Variants in PTPRD observed in about 807,000 individuals in gnomAD.
PTPRD encodes the protein receptor-type tyrosine-protein phosphatase delta.
A neutral mutation model predicts 214.5 loss-of-function variants in PTPRD; 34 were observed. The observed-to-expected ratio is 0.16, with a 90% CI of 0.12 to 0.21. The LOEUF is 0.21. Among genes scored for constraint, PTPRD ranks in the 10% least tolerant of loss-of-function variants. The pLI, the probability that PTPRD is intolerant of heterozygous loss-of-function variation, is 1.00. For synonymous variants in PTPRD, 1,128 were observed against 845.7 expected (o/e 1.33, Z -5.79); for missense variants, 2,545 against 2,398.7 (o/e 1.06, Z -1.27).
chr9:8,596,373 C>T (rs2094476925), intron 14 of PTPRD, among the ~76,000 whole-genome samples: 2 of 151,650 alleles, frequency 1.3e-5, no homozygotes, highest in South Asian at 2.1e-4. Flanking sequence ...TTAAAGCACT[C>T]TGGGGAAGAT....
intron 8 of PTPRD, among the ~76,000 whole-genome samples, chr9:9,399,055 T>A (rs561488878): frequency 1.7e-4 from 25 of 145,548 alleles, no homozygotes; most frequent in Middle Eastern, 3.5e-3. Flanking sequence ...TGGCAAACAA[T>A]TTTGTGTAGT....
chr9:8,958,500 G>C (rs2099143155), intron 11 of PTPRD, among the ~76,000 whole-genome samples: 1 of 151,900 alleles, frequency 6.6e-6, no homozygotes. Flanking sequence ...ATTCAGCAAT[G>C]TGATGGCCCA....
At chr9:9,787,052 G>C (rs2098929780) in intron 5 of PTPRD, among the ~76,000 whole-genome samples, 1 of 151,878 alleles carries the variant, frequency 6.6e-6, no homozygotes, top group East Asian at 1.9e-4. Flanking sequence ...CATGATAATT[G>C]CTTGAACCCG....
intron 5 of PTPRD, among the ~76,000 whole-genome samples, chr9:9,813,466 C>G (rs1444308351): frequency 6.6e-6 from 1 of 151,744 alleles, no homozygotes; most frequent in Non-Finnish European, 1.5e-5. Context: ...CATAGTAATA[C>G]AAAAGATTAT....
chr9:8,790,638 C>T (rs916449834), intron 11 of PTPRD, among the ~76,000 whole-genome samples: 2 of 151,966 alleles, frequency 1.3e-5, no homozygotes, highest in African/African-American at 4.8e-5. Context: ...ACTTGTTAAG[C>T]ATGTATGAAT....
At chr9:10,140,696 T>C (rs2098978278) in intron 3 of PTPRD, among the ~76,000 whole-genome samples, 2 of 152,108 alleles carry the variant, frequency 1.3e-5, no homozygotes, top group Admixed American at 1.3e-4. Flanking sequence ...CCATTCCTTC[T>C]GAAACTATTC....
At chr9:9,994,218 T>G (rs947392307) in intron 4 of PTPRD, among the ~76,000 whole-genome samples, 2 of 152,188 alleles carry the variant, frequency 1.3e-5, no homozygotes, top group Non-Finnish European at 2.9e-5. Flanking sequence ...TTACACACAT[T>G]TTGAGAGCTC....
chr9:8,346,536 C>A (rs991375857), intron 39 of PTPRD, among the ~76,000 whole-genome samples: 3 of 152,130 alleles, frequency 2.0e-5, no homozygotes, highest in Non-Finnish European at 2.9e-5. Flanking sequence ...CTCAAGCCCT[C>A]CCTTTCCATC....
In PTPRD at chr9:8,521,634, A is replaced by C. The variant is rs563608473; in HGVS notation, c.692-88T>G. ...ACATGACATGCACCGTACAGACACG[A>C]TTCAACAATTGAAACATTGTGGATT... On this transcript the variant is annotated intron_variant, in intron 19 of 45. Transcript: ENST00000381196. The C allele has an allele frequency of 9.2e-6, 13 of 1,417,504 alleles. No individual in the cohort carries two copies. In the East Asian group the frequency reaches 3.0e-4, roughly 33 times the overall value. 87.8% of individuals were successfully genotyped at this position (1,417,504 alleles called of 1,614,324 possible). A position where few individuals can be genotyped will look rare whatever the true frequency, so the allele number is the denominator to read the frequency against.
intron 5 of PTPRD, among the ~76,000 whole-genome samples, chr9:9,838,803 G>A (rs1296203679): frequency 1.3e-5 from 2 of 152,052 alleles, no homozygotes; most frequent in African/African-American, 2.4e-5. Context: ...GGCTTTTGTT[G>A]CCATTGCTTT....
chr9:10,043,094 G>A, intron 3 of PTPRD, among the ~76,000 whole-genome samples: 1 of 151,890 alleles, frequency 6.6e-6, no homozygotes, highest in Non-Finnish European at 1.5e-5. Context: ...GGCAGTAAGA[G>A]CAGGTAATCT....
chr9:10,472,640 T>C (rs943801706), intron 2 of PTPRD, among the ~76,000 whole-genome samples: 1 of 152,150 alleles, frequency 6.6e-6, no homozygotes, highest in Admixed American at 6.6e-5. Context: ...CAACCTTCTT[T>C]TGAATAGTAT....
chr9:9,253,361 G>A (rs930125624), intron 9 of PTPRD, among the ~76,000 whole-genome samples: 3 of 151,804 alleles, frequency 2.0e-5, no homozygotes, highest in Admixed American at 6.6e-5. Flanking sequence ...TGCTGGCGTC[G>A]AGTCTAGAAA....
At chr9:9,254,678 G>C (rs1300452104) in intron 9 of PTPRD, among the ~76,000 whole-genome samples, 1 of 152,060 alleles carries the variant, frequency 6.6e-6, no homozygotes, top group African/African-American at 2.4e-5. Context: ...CCTTAGAAGT[G>C]ATTTAGGAGA....
chr9:9,015,657 C>T (rs2099531760), intron 11 of PTPRD, among the ~76,000 whole-genome samples: 1 of 152,118 alleles, frequency 6.6e-6, no homozygotes, highest in South Asian at 2.1e-4. Context: ...GCATGAGATG[C>T]AACAACCCTC....
intron 4 of PTPRD, among the ~76,000 whole-genome samples, chr9:10,019,289 G>C (rs997872435): frequency 7.2e-5 from 11 of 152,208 alleles, no homozygotes; most frequent in African/African-American, 2.4e-4. Flanking sequence ...AGGGGCTGGA[G>C]AGGATGTGGA....
chr9:10,466,683 C>T (rs1223308354), intron 2 of PTPRD, among the ~76,000 whole-genome samples: 3 of 144,848 alleles, frequency 2.1e-5, no homozygotes, highest in East Asian at 4.1e-4. Flanking sequence ...GTGTATAGCT[C>T]TAAAGTGAAA....
chr9:9,203,288 A>G (rs1280637337), intron 9 of PTPRD, among the ~76,000 whole-genome samples: 1 of 151,954 alleles, frequency 6.6e-6, no homozygotes. Context: ...TCCCCCTTTT[A>G]TCTGAAATTT....
chr9:10,217,532 G>C (rs911187318), intron 3 of PTPRD, among the ~76,000 whole-genome samples: 3 of 151,868 alleles, frequency 2.0e-5, no homozygotes, highest in East Asian at 1.9e-4. Context: ...TTTCTATTTA[G>C]CCATGAAAGG....
Sources: gnomAD v4.1 joint callset for allele counts (sites outside exome capture counted in the v4.1 genomes callset) on GRCh38, gnomAD v4.1.1 for gene constraint, MANE v1.5 for transcripts, NCBI Gene and HGNC (gene_info 2026-07-23, HGNC 2026-07-21) for gene names.